Variants in ST7L observed in about 807,000 individuals in gnomAD.
The protein encoded by ST7L is suppression of tumorigenicity 7 like.
Under a neutral mutation model 72.5 loss-of-function variants are expected in ST7L, and 57 were observed. The observed-to-expected ratio is 0.79, with a 90% CI of 0.64 to 0.98. ST7L has a LOEUF of 0.98. Ranked by LOEUF, ST7L falls within the 50% of genes least tolerant of loss-of-function variation. The pLI is 0.00. For synonymous variants in ST7L, 221 were observed against 240.9 expected (o/e 0.92, Z 0.77); for missense variants, 576 against 672.2 (o/e 0.86, Z 1.58).
intron 12 of ST7L, among the ~76,000 whole-genome samples, chr1:112,554,448 A>G (rs1333640850): frequency 2.0e-5 from 3 of 152,218 alleles, no homozygotes; most frequent in Non-Finnish European, 2.9e-5. Context: ...TATTATTTAC[A>G]TAAAGAAAAA....
rs567601091 is a variant in ST7L, at chr1:112,551,138, C to CTTTTTTTTTTTTTTTTTTTT, written c.1397-465_1397-446dup. Among the ~76,000 whole-genome samples, 8 of 77,224 alleles carry CTTTTTTTTTTTTTTTTTTTT rather than the reference C, an allele frequency of 1.0e-4. 1 individual carries two copies. The highest frequency in any genetic ancestry group is 8.9e-4 in the South Asian group (2 of 2,242). 50.7% of individuals were successfully genotyped at this position (77,224 alleles called of 152,430 possible). On this transcript the variant is annotated intron_variant, in intron 12 of 14. Coordinates refer to ENST00000358039, the MANE Select transcript of ST7L (RefSeq NM_017744.5). Reference sequence around the variant, plus strand: ...TCACCAAAGCTTTCTATGAGCAGATCTTTTTTTTTTTTTTTTTTTTTTTTT... The same window carrying CTTTTTTTTTTTTTTTTTTTT: ...TCACCAAAGCTTTCTATGAGCAGATCTTTTTTTTTTTTTTTTTTTTTTTTTTTTTTTTTTTTTTTTTTTTT...
chr1:112,617,472 G>A (rs539923680), intron 1 of ST7L, among the ~76,000 whole-genome samples: 1 of 152,228 alleles, frequency 6.6e-6, no homozygotes, highest in East Asian at 1.9e-4. Flanking sequence ...AGAGTTTTGG[G>A]AGGCCAAGGC....
At position 112,568,861 on chromosome 1, in the gene ST7L, A is replaced by AATATATATAT. The variant is rs377429784; in HGVS notation, c.1245+8115_1245+8124dup. Among the ~76,000 whole-genome samples the AATATATATAT allele has an allele frequency of 8.4e-4, 96 of 114,858 alleles. 1 individual carries two copies. The Middle Eastern group carries it at 0.012, about 14-fold the overall frequency. The allele number at this position is 114,858 out of a possible 152,430, so 75.4% of individuals were successfully genotyped here. ...CCTGTTTTTTATAAATATAAATATA[A>AATATATATAT]ATATATATATATATATATATATATA... is the stretch of plus-strand genomic sequence containing the variant. On this transcript the variant is annotated intron_variant, in intron 11 of 14. Transcript: ENST00000358039.
chr1:112,555,768 A>G, intron 12 of ST7L, 100 bp downstream of exon 12: 2 of 1,194,020 alleles, frequency 1.7e-6, no homozygotes, highest in Non-Finnish European at 2.2e-6. Flanking sequence ...CTGAACGACA[A>G]ATCCTTATGG....
chr1:112,549,259 G>A (rs1174506569), intron 13 of ST7L, among the ~76,000 whole-genome samples: 1 of 152,042 alleles, frequency 6.6e-6, no homozygotes, highest in African/African-American at 2.4e-5. Flanking sequence ...CGGGCATGGT[G>A]GCATGCACCT....
At chr1:112,520,676 G>A, downstream of ST7L, 1 of 711,396 alleles carries the variant, frequency 1.4e-6, no homozygotes, top group South Asian at 1.9e-5. Flanking sequence ...TGGTTCCTTA[G>A]CCCTGGGAAG....
intron 14 of ST7L, among the ~76,000 whole-genome samples, chr1:112,537,861 A>G (rs548378358): frequency 2.5e-4 from 38 of 152,366 alleles, no homozygotes; most frequent in Admixed American, 9.8e-4. Context: ...TCTATTCCAC[A>G]TAGCCGTATA....
intron 3 of ST7L, among the ~76,000 whole-genome samples, chr1:112,608,373 C>T (rs1255244559): frequency 6.6e-6 from 1 of 151,996 alleles, no homozygotes; most frequent in Non-Finnish European, 1.5e-5. Flanking sequence ...TATTTTGCGG[C>T]CCTCCCTCCA....
At chr1:112,564,090 G>T (rs890074800) in intron 11 of ST7L, among the ~76,000 whole-genome samples, 2 of 152,162 alleles carry the variant, frequency 1.3e-5, no homozygotes, top group African/African-American at 4.8e-5. Flanking sequence ...GTCCACATTG[G>T]TATGTATTGG....
At chr1:112,598,192 T>A in intron 4 of ST7L, 106 bp from the exon 5 acceptor site, 1 of 653,668 alleles carries the variant, frequency 1.5e-6, no homozygotes, top group Non-Finnish European at 2.5e-6. Context: ...CATTTGGATG[T>A]TTTAAAATCT....
At chr1:112,598,447 G>GA (rs1376387964) in intron 4 of ST7L, among the ~76,000 whole-genome samples, 506 of 114,050 alleles carry the variant, frequency 4.4e-3, no homozygotes, top group African/African-American at 6.4e-3. Context: ...GTCTTTACCA[G>GA]AAAAAAAAAA....
intron 4 of ST7L, among the ~76,000 whole-genome samples, chr1:112,598,423 A>G (rs1666807905): frequency 6.7e-6 from 1 of 150,308 alleles, no homozygotes; most frequent in Non-Finnish European, 1.5e-5. Context: ...CAACATAGTG[A>G]GCCAGTGAGC....
At chr1:112,552,418 T>G (rs1658367942) in intron 12 of ST7L, among the ~76,000 whole-genome samples, 2 of 152,190 alleles carry the variant, frequency 1.3e-5, no homozygotes, top group South Asian at 4.1e-4. Context: ...TTTATTTATT[T>G]ATTGAGACAG....
At chr1:112,536,049 G>T (rs546080596) in intron 14 of ST7L, among the ~76,000 whole-genome samples, 1 of 152,092 alleles carries the variant, frequency 6.6e-6, no homozygotes, top group Admixed American at 6.6e-5. Flanking sequence ...CACACAATAG[G>T]TTTATTTTAT....
Position 112,610,858 on chromosome 1 carries a change from C to T in ST7L, c.434G>A (p.Ser145Asn). 2 of 1,613,944 alleles carry T rather than the reference C, an allele frequency of 1.2e-6. No homozygotes were observed. Among genetic ancestry groups the T allele is most frequent in the Non-Finnish European group, 1.7e-6 (2 of 1,179,948 alleles). Residue 145 changes from serine to asparagine, a missense_variant, in exon 3 of 15, where the codon AGC (serine) becomes AAC (asparagine). Coordinates refer to ENST00000358039, the MANE Select transcript of ST7L (RefSeq NM_017744.5). ...GTAGTCACCTGACAAATTCTGTCTG[C>T]TGGTTTCATTTTCTCTGTTCCTCGA... is the stretch of plus-strand genomic sequence containing the variant. ...SPSRNRENETSRQNLSECKVW... is the reference protein window; with the variant it reads ...SPSRNRENETNRQNLSECKVW...
In ST7L at chr1:112,610,999, A is replaced by G; in HGVS notation, c.293T>C (p.Phe98Ser). The change falls in exon 3 of 15, where the codon TTT becomes TCT. Residue 98 changes from phenylalanine to serine, a missense_variant. Coordinates refer to ENST00000358039, the MANE Select transcript of ST7L (RefSeq NM_017744.5). Reference sequence around the variant, plus strand: ...ATGCTTATGGAAGTACCACCATTCAAATATCTATGACAAACAGAAAATATC... The same window carrying G: ...ATGCTTATGGAAGTACCACCATTCAGATATCTATGACAAACAGAAAATATC... ...SSLISGLIFI[F>S]EWWYFHKHGT... 1 of 1,613,684 alleles carries G rather than the reference A, an allele frequency of 6.2e-7. No homozygotes were observed. Among genetic ancestry groups the G allele is most frequent in the Non-Finnish European group, 8.5e-7 (1 of 1,179,944 alleles).
intron 5 of ST7L, among the ~76,000 whole-genome samples, chr1:112,595,101 C>T (rs1666252341): frequency 6.6e-6 from 1 of 152,010 alleles, no homozygotes. Flanking sequence ...CGTGGTCGCT[C>T]ACGCCTGTAA....
intron 13 of ST7L, among the ~76,000 whole-genome samples, chr1:112,547,716 C>T (rs1657381778): frequency 6.6e-6 from 1 of 150,706 alleles, no homozygotes; most frequent in Non-Finnish European, 1.5e-5. Flanking sequence ...GCATGTGCCA[C>T]CATGCCGGGC....
At chr1:112,587,001 A>G (rs1195167123) in intron 6 of ST7L, among the ~76,000 whole-genome samples, 1 of 152,190 alleles carries the variant, frequency 6.6e-6, no homozygotes, top group Non-Finnish European at 1.5e-5. Flanking sequence ...TCTGATGCAT[A>G]AAATATTTTA....
Sources: allele counts gnomAD v4.1 joint callset (sites outside exome capture counted in the v4.1 genomes callset), GRCh38; gene constraint gnomAD v4.1.1; transcripts MANE v1.5; gene names NCBI Gene and HGNC (gene_info 2026-07-23, HGNC 2026-07-21).